CAPN1: variants seen among roughly 807,000 people sequenced by gnomAD.
CAPN1 encodes calpain 1.
In CAPN1, 77 loss-of-function variants were observed where a neutral mutation model predicts 105.2. That is an observed-to-expected ratio of 0.73 (90% CI 0.61 to 0.88). The LOEUF (loss-of-function observed/expected upper bound fraction) is 0.88, where lower values mean the gene tolerates loss of function less well. Ranked by LOEUF, CAPN1 falls within the 40% of genes least tolerant of loss-of-function variation. The pLI, the probability that CAPN1 is intolerant of heterozygous loss-of-function variation, is 0.00. For synonymous variants in CAPN1, 355 were observed against 388.8 expected (o/e 0.91, Z 1.02); for missense variants, 833 against 976.6 (o/e 0.85, Z 1.96).
At chr11:65,181,643 C>T (rs1281966018), upstream of CAPN1, 1 of 379,752 alleles carries the variant, frequency 2.6e-6, no homozygotes, top group Non-Finnish European at 5.3e-6. The surrounding 1 kb of genome is among the most constrained non-coding windows in gnomAD (Gnocchi z 4.6). Flanking sequence ...CCTCCGTTCC[C>T]CGCGGTGCCC....
intron 10 of CAPN1, among the ~76,000 whole-genome samples, chr11:65,200,387 C>T (rs1332604136): frequency 2.0e-5 from 3 of 152,138 alleles, no homozygotes; most frequent in Non-Finnish European, 4.4e-5. Flanking sequence ...CTCTGTCGCC[C>T]AGGCTGGAGT....
At chr11:65,186,964 A>G (rs918362897) in intron 6 of CAPN1, among the ~76,000 whole-genome samples, 1 of 152,202 alleles carries the variant, frequency 6.6e-6, no homozygotes, top group African/African-American at 2.4e-5. Context: ...CCTGGCCAGT[A>G]GCAGTGTCAG....
chr11:65,184,731 A>AG (rs1286062056), intron 4 of CAPN1, among the ~76,000 whole-genome samples: 1 of 152,188 alleles, frequency 6.6e-6, no homozygotes, highest in Non-Finnish European at 1.5e-5. Context: ...GGGAAGAGCC[A>AG]GGGGGCCATG....
rs963586550 is a variant in CAPN1, at chr11:65,188,873, G to A, written c.1165+127G>A. 13 of 807,460 alleles carry A rather than the reference G, an allele frequency of 1.6e-5. No individual in the cohort carries two copies. Among genetic ancestry groups the A allele is most frequent in the African/African-American group, 1.4e-4 (8 of 57,798 alleles). The allele number at this position is 807,460 out of a possible 1,614,324, so 50.0% of individuals were successfully genotyped here. A position where few individuals can be genotyped will look rare whatever the true frequency, so the allele number is the denominator to read the frequency against. ...GCTGATCTCTTGAATTTGCTTTGAGGAGTAAAATATTAAATGTCCTAGTAA... is the reference window on the plus strand; with the variant it reads ...GCTGATCTCTTGAATTTGCTTTGAGAAGTAAAATATTAAATGTCCTAGTAA... On this transcript the variant is annotated intron_variant, in intron 10 of 21. Coordinates refer to ENST00000279247, the MANE Select transcript of CAPN1 (RefSeq NM_005186.4). The surrounding 1 kb of genome is among the most constrained non-coding windows in gnomAD (Gnocchi z 5.5).
At chr11:65,183,449 C>CTAAT in intron 3 of CAPN1, 25 bp from the exon 4 acceptor site, 1 of 1,547,202 alleles carries the variant, frequency 6.5e-7, no homozygotes, top group East Asian at 2.2e-5. Context: ...GTAGAGCAGG[C>CTAAT]TAATGTGCAT....
chr11:65,209,233 G>A lies in CAPN1; in HGVS notation c.1730-90G>A, dbSNP rs953095406. The A allele has an allele frequency of 3.2e-5, 31 of 981,416 alleles. No individual in the cohort carries two copies. The highest frequency in any genetic ancestry group is 2.7e-5 in the Non-Finnish European group (17 of 623,778). 60.8% of individuals were successfully genotyped at this position (981,416 alleles called of 1,614,324 possible). A position where few individuals can be genotyped will look rare whatever the true frequency, so the allele number is the denominator to read the frequency against. On this transcript the variant is annotated intron_variant, in intron 16 of 21. Coordinates refer to ENST00000279247, the MANE Select transcript of CAPN1 (RefSeq NM_005186.4). This position sits in a 1 kb window ranked among gnomAD's most constrained non-coding sequence, Gnocchi z 4.1. ...TGCACCCACTCGTCAGGATTTGTGC[G>A]TCCTTGACTCTGCCCCACCCAGTGC... is the stretch of plus-strand genomic sequence containing the variant.
At chr11:65,206,952 G>C in intron 14 of CAPN1, 133 bp downstream of exon 14, 2 of 802,932 alleles carry the variant, frequency 2.5e-6, no homozygotes, top group Admixed American at 5.1e-5. Context: ...AGCCATAGGA[G>C]TAGTGCTAAT....
chr11:65,189,866 T>C (rs140984294), intron 10 of CAPN1, among the ~76,000 whole-genome samples: 246 of 152,256 alleles, frequency 1.6e-3, no homozygotes, highest in African/African-American at 5.5e-3. Context: ...CACCTCGATA[T>C]CTCCCCACTG....
chr11:65,195,327 C>A (rs1417947211), intron 10 of CAPN1, among the ~76,000 whole-genome samples: 1 of 151,992 alleles, frequency 6.6e-6, no homozygotes, highest in Admixed American at 6.6e-5. Flanking sequence ...TCAGACCAGC[C>A]GTGTTGGTCA....
intron 10 of CAPN1, among the ~76,000 whole-genome samples, chr11:65,199,147 G>C (rs1461150813): frequency 6.6e-6 from 1 of 152,026 alleles, no homozygotes; most frequent in Non-Finnish European, 1.5e-5. Context: ...TTTTGTATTT[G>C]TATTTTTATT....
At chr11:65,199,348 T>G (rs969191767) in intron 10 of CAPN1, among the ~76,000 whole-genome samples, 2 of 152,206 alleles carry the variant, frequency 1.3e-5, no homozygotes, top group African/African-American at 4.8e-5. Flanking sequence ...CTACCTTGCC[T>G]TCTGGAAAAA....
chr11:65,204,716 G>T lies in CAPN1; in HGVS notation c.1199G>T (p.Arg400Leu), dbSNP rs1391341844. 1.2e-6 allele frequency: 2 copies of T among 1,612,914 alleles called. No homozygotes were observed. The highest frequency in any genetic ancestry group is 2.7e-5 in the African/African-American group (2 of 74,952). The change falls in exon 11 of 22, where the codon CGG becomes CTG. Residue 400 changes from arginine to leucine, a missense_variant. Transcript: ENST00000279247. ...TGGGTGAACCCTCAGTTCAAGATCC[G>T]GCTGGATGAGACGGATGACCCGGAC... ...TFWVNPQFKI[R>L]LDETDDPDDY...
chr11:65,205,782 A>G, intron 12 of CAPN1, 61 bp downstream of exon 12: 1 of 1,534,884 alleles, frequency 6.5e-7, no homozygotes, highest in South Asian at 1.1e-5. Flanking sequence ...AGAGGGGAGC[A>G]ACCCAGTGGC....
intron 21 of CAPN1, 73 bp from the exon 22 acceptor site, chr11:65,211,187 C>T (rs990461025): frequency 6.4e-7 from 1 of 1,557,440 alleles, no homozygotes; most frequent in Non-Finnish European, 8.8e-7. Context: ...GGGGGCTGGA[C>T]CTGGGGTTTG....
intron 10 of CAPN1, among the ~76,000 whole-genome samples, chr11:65,200,967 C>T (rs1948860607): frequency 5.2e-5 from 4 of 77,282 alleles, no homozygotes; most frequent in South Asian, 4.7e-4. Flanking sequence ...TTTTTTGAGA[C>T]GGAGTCTGGC....
At chr11:65,183,691 G>A in intron 4 of CAPN1, 99 bp downstream of exon 4, 2 of 779,508 alleles carry the variant, frequency 2.6e-6, no homozygotes, top group Admixed American at 2.1e-5. Context: ...TGTGGGGCCA[G>A]CCCTCCCTCT....
intron 10 of CAPN1, among the ~76,000 whole-genome samples, chr11:65,194,260 C>T (rs1405297142): frequency 1.3e-5 from 2 of 152,118 alleles, no homozygotes; most frequent in Non-Finnish European, 2.9e-5. Context: ...TGAGCCACCA[C>T]GCTCGGCCTG....
intron 10 of CAPN1, among the ~76,000 whole-genome samples, chr11:65,189,670 G>A (rs1948691851): frequency 6.6e-6 from 1 of 152,132 alleles, no homozygotes; most frequent in Non-Finnish European, 1.5e-5. Flanking sequence ...TCAGTTCCCT[G>A]GCCCCTGTCT....
intron 14 of CAPN1, among the ~76,000 whole-genome samples, chr11:65,207,024 T>C (rs1043481387): frequency 6.6e-6 from 1 of 152,176 alleles, no homozygotes; most frequent in East Asian, 1.9e-4. Context: ...GCACAGGCCC[T>C]GAGCTCTCAC....
Sources: allele counts gnomAD v4.1 joint callset (sites outside exome capture counted in the v4.1 genomes callset), GRCh38; gene constraint gnomAD v4.1.1; non-coding constraint Gnocchi (gnomAD v3.1); transcripts MANE v1.5; gene names NCBI Gene and HGNC (gene_info 2026-07-23, HGNC 2026-07-21).